Variants in MAPK4 observed in about 807,000 individuals in gnomAD.
MAPK4 encodes mitogen-activated protein kinase 4.
Under a neutral mutation model 47.7 loss-of-function variants are expected in MAPK4, and 22 were observed. The ratio of observed to expected loss-of-function variants is 0.46; its 90% CI spans 0.33 to 0.66. The LOEUF is 0.66. Ranked by LOEUF, MAPK4 falls within the 30% of genes least tolerant of loss-of-function variation. The pLI is 0.02. For missense variants in MAPK4, 736 were observed against 831.7 expected (o/e 0.88, Z 1.42); for synonymous variants, 390 against 365.7 (o/e 1.07, Z -0.76).
intron 2 of MAPK4, among the ~76,000 whole-genome samples, chr18:50,680,869 T>C (rs2144314567): frequency 6.6e-6 from 1 of 152,352 alleles, no homozygotes; most frequent in Admixed American, 6.5e-5. Context: ...TTTTGGCTCT[T>C]ATGATAAAGC....
In MAPK4 at chr18:50,615,128, C is replaced by G. The variant is rs9958610; in HGVS notation, c.-870-47961C>G. ...ATAAGTGGATGTTCAGGTGCCCACT[C>G]GCTCGTGCTGTGTCGGTGCCCAGCA... On this transcript the variant is annotated intron_variant, in intron 1 of 5. Transcript: ENST00000400384. Among the ~76,000 whole-genome samples, 1,103 of 152,118 alleles carry G rather than the reference C, an allele frequency of 7.3e-3. 12 individuals are homozygous for G. The highest frequency in any genetic ancestry group is 0.024 in the African/African-American group (1,014 of 41,498).
At chr18:50,616,594 G>A (rs1473115088) in intron 1 of MAPK4, among the ~76,000 whole-genome samples, 1 of 152,160 alleles carries the variant, frequency 6.6e-6, no homozygotes, top group East Asian at 1.9e-4. Flanking sequence ...GCCAGTCCCA[G>A]TCCCAAAACC....
At chr18:50,640,585 C>T (rs1217984084) in intron 1 of MAPK4, among the ~76,000 whole-genome samples, 1 of 152,154 alleles carries the variant, frequency 6.6e-6, no homozygotes, top group East Asian at 1.9e-4. Context: ...CCTGCCTCAA[C>T]CTCCCAAGTA....
At chr18:50,721,707 C>A (rs1027942029) in intron 3 of MAPK4, among the ~76,000 whole-genome samples, 1 of 152,190 alleles carries the variant, frequency 6.6e-6, no homozygotes, top group Non-Finnish European at 1.5e-5. Context: ...TGGGGCCTTG[C>A]AGACTACCAG....
In MAPK4 at chr18:50,642,052, A is replaced by G. The variant is rs527710177; in HGVS notation, c.-870-21037A>G. Among the ~76,000 whole-genome samples the G allele has an allele frequency of 3.3e-5, 5 of 152,370 alleles. No homozygotes were observed. The South Asian group carries it at 1.0e-3, about 32-fold the overall frequency. On this transcript the variant is annotated intron_variant, in intron 1 of 5. Transcript: ENST00000400384. ...ATATGTTTGTGGCCCTGTAAATATA[A>G]CAGTATATATTAATGACCATTAATG... is the stretch of plus-strand genomic sequence containing the variant.
intron 1 of MAPK4, among the ~76,000 whole-genome samples, chr18:50,612,087 T>A (rs1316447430): frequency 6.6e-6 from 1 of 152,224 alleles, no homozygotes; most frequent in Non-Finnish European, 1.5e-5. Context: ...CCTAGGAAGC[T>A]CTCTTCACCC....
chr18:50,649,035 G>A (rs919682085), intron 1 of MAPK4, among the ~76,000 whole-genome samples: 6 of 152,212 alleles, frequency 3.9e-5, no homozygotes, highest in Admixed American at 6.5e-5. Context: ...TCTCAAAGGC[G>A]ATTTGTTTTG....
chr18:50,587,500 G>T (rs1169415286), intron 1 of MAPK4, among the ~76,000 whole-genome samples: 2 of 152,148 alleles, frequency 1.3e-5, no homozygotes, highest in African/African-American at 4.8e-5. Flanking sequence ...AAAGTTTGGG[G>T]TGACTCAAAA....
Position 50,689,624 on chromosome 18 carries a change from C to T in MAPK4, c.546+25120C>T, listed in dbSNP as rs184949955. Among the ~76,000 whole-genome samples the T allele has an allele frequency of 1.0e-3, 151 of 150,730 alleles. 1 individual carries two copies. The highest frequency in any genetic ancestry group is 1.7e-3 in the Non-Finnish European group (116 of 67,524). ...TTAAAAATGAGGTTGTCCAGCCAGG[C>T]GTGGTAGCTCACGCCTGTAATCCCA... is the stretch of plus-strand genomic sequence containing the variant. On this transcript the variant is annotated intron_variant, in intron 2 of 5. Transcript: ENST00000400384.
chr18:50,708,603 G>C (rs1168033426), intron 2 of MAPK4, among the ~76,000 whole-genome samples: 3 of 152,182 alleles, frequency 2.0e-5, no homozygotes, highest in Non-Finnish European at 2.9e-5. Context: ...CAAGCTTTAG[G>C]GTCTCCACCA....
chr18:50,629,026 T>C (rs1188191572), intron 1 of MAPK4, among the ~76,000 whole-genome samples: 1 of 152,242 alleles, frequency 6.6e-6, no homozygotes, highest in Non-Finnish European at 1.5e-5. Context: ...AGCCTTGTGG[T>C]ATACCTAATG....
intron 1 of MAPK4, among the ~76,000 whole-genome samples, chr18:50,569,540 G>A (rs573076959): frequency 1.8e-4 from 28 of 152,162 alleles, no homozygotes; most frequent in Admixed American, 5.9e-4. Flanking sequence ...CTTACTTCTA[G>A]GGTCTATCAG....
At chr18:50,676,804 G>A (rs1031663006) in intron 2 of MAPK4, among the ~76,000 whole-genome samples, 2 of 152,214 alleles carry the variant, frequency 1.3e-5, no homozygotes, top group South Asian at 4.1e-4. Context: ...AGACAATTTT[G>A]TGTAATAATA....
rs368403152 is a variant in MAPK4 at position 50,715,168 on chromosome 18, G to C, written c.636G>C (p.Met212Ile). Residue 212 changes from methionine (M) to isoleucine (I), a missense_variant, in exon 3 of 6, where the codon ATG becomes ATC. This residue lies in a region of MAPK4 where 327 missense variants were observed against 395.4 expected (regional missense o/e 0.83). Coordinates refer to ENST00000400384, the MANE Select transcript of MAPK4 (RefSeq NM_002747.4). The part of the protein sequence containing the change: ...SPNNYTKAID[M>I]WAAGCILAEM... ...ATAACTACACCAAAGCCATCGACAT[G>C]TGGGCCGCCGGCTGCATCCTGGCTG... The C allele has an allele frequency of 6.2e-7, 1 of 1,614,220 alleles. No individual in the cohort carries two copies. Among genetic ancestry groups the C allele is most frequent in the Admixed American group, 1.7e-5 (1 of 60,026 alleles).
At chr18:50,585,916 G>A (rs1008500245) in intron 1 of MAPK4, among the ~76,000 whole-genome samples, 6 of 152,282 alleles carry the variant, frequency 3.9e-5, no homozygotes, top group Middle Eastern at 3.4e-3. Context: ...AACAGCATGG[G>A]GGTTACTGCC....
chr18:50,721,456 A>G (rs976415742), intron 3 of MAPK4, among the ~76,000 whole-genome samples: 3 of 152,120 alleles, frequency 2.0e-5, no homozygotes, highest in South Asian at 2.1e-4. Context: ...TCCCAAACCC[A>G]ATTTGTTATT....
chr18:50,619,863 G>A (rs1022217917), intron 1 of MAPK4, among the ~76,000 whole-genome samples: 2 of 152,202 alleles, frequency 1.3e-5, no homozygotes, highest in African/African-American at 4.8e-5. Context: ...CTTTCTCTCT[G>A]CGGTGCTAGT....
intron 1 of MAPK4, among the ~76,000 whole-genome samples, chr18:50,590,365 G>T (rs898022701): frequency 2.0e-5 from 3 of 152,196 alleles, no homozygotes; most frequent in African/African-American, 7.2e-5. Flanking sequence ...AACCCCGATA[G>T]TGACTTTCTC....
rs1176842081 is a variant in MAPK4 at position 50,715,097 on chromosome 18, T to A, written c.565T>A (p.Leu189Met). Residue 189 changes from leucine to methionine, a missense_variant, in exon 3 of 6, where the codon TTG becomes ATG. Coordinates refer to ENST00000400384, the MANE Select transcript of MAPK4 (RefSeq NM_002747.4). ...YSHKGYLSEGLVTKWYRSPRL... is the reference protein window; with the variant it reads ...YSHKGYLSEGMVTKWYRSPRL... The stretch of plus-strand genomic sequence containing the variant: ...CTTTCAGGGTTATCTGTCAGAAGGG[T>A]TGGTAACAAAGTGGTACCGTTCCCC... 6.2e-7 allele frequency: 1 copy of A among 1,614,032 alleles called. No individual in the cohort carries two copies. The highest frequency in any genetic ancestry group is 2.2e-5 in the East Asian group (1 of 44,866).
Sources: gnomAD v4.1 joint callset for allele counts (sites outside exome capture counted in the v4.1 genomes callset) on GRCh38, gnomAD v4.1.1 for gene constraint, gnomAD v4.1.1 regional missense constraint, MANE v1.5 for transcripts, NCBI Gene and HGNC (gene_info 2026-07-23, HGNC 2026-07-21) for gene names.